Variants in ZNF469 observed in about 807,000 individuals in gnomAD.
ZNF469 encodes the protein zinc finger protein 469.
ZNF469 carries 1 observed loss-of-function variant against 1.0 expected under a neutral mutation model. That is an observed-to-expected ratio of 1.00 (90% CI 0.35 to 4.73). ZNF469 has a LOEUF of 4.73. Among genes scored for constraint, ZNF469 ranks in the 30% most tolerant of loss-of-function variants. The pLI is 0.16. For missense variants in ZNF469, 6,100 were observed against 5,356.3 expected, an observed-to-expected ratio of 1.14 and a Z score of -4.33; for synonymous variants, 2,703 against 2,363.4, an observed-to-expected ratio of 1.14 and a Z score of -4.17.
chr16:88,145,415 C>G, the ZNF469 span, among the ~76,000 whole-genome samples: 1 of 152,364 alleles, frequency 6.6e-6, no homozygotes, highest in East Asian at 1.9e-4. Flanking sequence ...ATGCCTTTCT[C>G]AAACTCACGC....
At chr16:88,412,659 C>G (rs1201547892) in intron 1 of ZNF469, among the ~76,000 whole-genome samples, 2 of 152,146 alleles carry the variant, frequency 1.3e-5, no homozygotes, top group African/African-American at 2.4e-5. Context: ...TCACCCACAG[C>G]GATGTCCCCA....
At chr16:88,316,100 C>T in the ZNF469 span, among the ~76,000 whole-genome samples, 5 of 152,338 alleles carry the variant, frequency 3.3e-5, no homozygotes, top group African/African-American at 7.2e-5. Flanking sequence ...AGAGCAGGGC[C>T]GGCCGCCCCT....
At chr16:88,157,029 T>C in the ZNF469 span, among the ~76,000 whole-genome samples, 1 of 152,234 alleles carries the variant, frequency 6.6e-6, no homozygotes, top group Non-Finnish European at 1.5e-5. Context: ...TGGGCCTCGG[T>C]GCCGGGGTTT....
upstream of ZNF469, among the ~76,000 whole-genome samples, chr16:88,382,697 C>T (rs927488125): frequency 3.9e-5 from 6 of 152,192 alleles, no homozygotes; most frequent in African/African-American, 1.4e-4. Flanking sequence ...CCACTGGAAG[C>T]CACATGGGTA....
the ZNF469 span, among the ~76,000 whole-genome samples, chr16:88,319,529 C>G: frequency 2.0e-4 from 30 of 152,276 alleles, no homozygotes; most frequent in African/African-American, 6.3e-4. Context: ...GCCAATGATC[C>G]CTTTTCCATG....
At chr16:88,319,392 G>T in the ZNF469 span, among the ~76,000 whole-genome samples, 2 of 152,174 alleles carry the variant, frequency 1.3e-5, no homozygotes, top group African/African-American at 4.8e-5. Flanking sequence ...CACACAGGAG[G>T]TGCAAGGATT....
chr16:88,437,548 A>C lies in ZNF469; in HGVS notation c.10078A>C (p.Ser3360Arg). The change falls in exon 3 of 3, where the codon AGC becomes CGC. Residue 3360 changes from serine (S) to arginine (R), a missense_variant. Ser to Arg is a moderately radical substitution (Grantham distance 110). Transcript: ENST00000565624. ...GCTGCAGCGCCACCTGGCGGTGCAC[A>C]GCCCGCAGCGCGTCTACCTGTGCCC... ...FKLQRHLAVH[S>R]PQRVYLCPRC... 6.5e-7 allele frequency: 1 copy of C among 1,540,498 alleles called. No individual in the cohort carries two copies. The highest frequency in any genetic ancestry group is 8.8e-7 in the Non-Finnish European group (1 of 1,140,120).
In ZNF469 at chr16:88,430,522, C is replaced by G; in HGVS notation, c.3052C>G (p.Leu1018Val). The change falls in exon 3 of 3, where the codon CTC (leucine) becomes GTC (valine). Residue 1018 changes from leucine (L) to valine (V), a missense_variant. Coordinates refer to ENST00000565624, the MANE Select transcript of ZNF469 (RefSeq NM_001367624.2). ...PAPRVPRAAA[L>V]PEETRSSRRR... ...GCCCCGGGTCCCGAGAGCCGCCGCC[C>G]TCCCCGAGGAGACCCGCAGCTCCCG... The G allele has an allele frequency of 6.9e-7, 1 of 1,439,610 alleles. No homozygotes were observed. The highest frequency in any genetic ancestry group is 1.5e-5 in the African/African-American group (1 of 66,604). 89.2% of individuals were successfully genotyped at this position (1,439,610 alleles called of 1,614,324 possible).
At chr16:88,300,639 T>C in the ZNF469 span, among the ~76,000 whole-genome samples, 1 of 152,118 alleles carries the variant, frequency 6.6e-6, no homozygotes, top group East Asian at 1.9e-4. Flanking sequence ...AGCACGTGAT[T>C]CCCCTTGGAA....
At chr16:88,197,856 G>A in the ZNF469 span, among the ~76,000 whole-genome samples, 1,094 of 152,336 alleles carry the variant, frequency 7.2e-3, 17 homozygotes, top group South Asian at 0.059. Context: ...CTCACAGCAT[G>A]GCAACCAGCT....
chr16:88,194,372 C>T, the ZNF469 span: 1 of 152,242 alleles, frequency 6.6e-6, no homozygotes, highest in Non-Finnish European at 1.5e-5. Context: ...CAAGCCTCAA[C>T]AAGCCACTCA....
chr16:88,380,901 C>T (rs1449230848), upstream of ZNF469, among the ~76,000 whole-genome samples: 1 of 129,288 alleles, frequency 7.7e-6, no homozygotes, highest in African/African-American at 3.7e-5. Context: ...TGCACTCACA[C>T]ACACTCACAG....
At chr16:88,144,120 G>A in the ZNF469 span, among the ~76,000 whole-genome samples, 4 of 152,218 alleles carry the variant, frequency 2.6e-5, no homozygotes, top group African/African-American at 4.8e-5. Flanking sequence ...AGGTACGCCC[G>A]GGGCCGTCCC....
chr16:88,109,920 A>C, the ZNF469 span, among the ~76,000 whole-genome samples: 94 of 152,270 alleles, frequency 6.2e-4, no homozygotes, highest in African/African-American at 2.2e-3. Context: ...ACTCTTACCA[A>C]ATGTTAGTTG....
At chr16:88,155,643 C>T in the ZNF469 span, among the ~76,000 whole-genome samples, 1 of 152,226 alleles carries the variant, frequency 6.6e-6, no homozygotes, top group Non-Finnish European at 1.5e-5. Flanking sequence ...AACCCCATTC[C>T]TTTGTATGAC....
At chr16:88,367,699 G>A in the ZNF469 span, among the ~76,000 whole-genome samples, 8 of 152,186 alleles carry the variant, frequency 5.3e-5, no homozygotes, top group Admixed American at 6.5e-5. Flanking sequence ...ACCAGGCCCC[G>A]CATCCTTGGG....
the ZNF469 span, among the ~76,000 whole-genome samples, chr16:88,172,663 T>A: frequency 6.6e-6 from 1 of 152,194 alleles, no homozygotes; most frequent in Non-Finnish European, 1.5e-5. Flanking sequence ...AAGTGACAGA[T>A]GATGGAATTC....
chr16:88,355,583 G>A, the ZNF469 span, among the ~76,000 whole-genome samples: 16 of 152,338 alleles, frequency 1.1e-4, no homozygotes, highest in Admixed American at 1.0e-3. Context: ...AGATCTCAGT[G>A]CTGGTGGTCA....
At chr16:88,405,006 A>G (rs1050441705) in intron 1 of ZNF469, among the ~76,000 whole-genome samples, 1 of 152,162 alleles carries the variant, frequency 6.6e-6, no homozygotes, top group East Asian at 1.9e-4. Context: ...AAACATCAGC[A>G]TGAGGATCCA....
Sources: gnomAD v4.1 joint callset for allele counts (sites outside exome capture counted in the v4.1 genomes callset) on GRCh38, gnomAD v4.1.1 for gene constraint, MANE v1.5 for transcripts, NCBI Gene and HGNC (gene_info 2026-07-23, HGNC 2026-07-21) for gene names.